ROBO2: variants seen among roughly 807,000 people sequenced by gnomAD.
The protein encoded by ROBO2 is roundabout homolog 2.
In ROBO2, 53 loss-of-function variants were observed where a neutral mutation model predicts 160.8. The ratio of observed to expected loss-of-function variants is 0.33; its 90% confidence interval spans 0.26 to 0.41. The LOEUF is 0.41. Among genes scored for constraint, ROBO2 ranks in the 10% least tolerant of loss-of-function variants. The probability of loss-of-function intolerance (pLI) is 1.00; values close to 1 mark genes in which losing one functional copy is unlikely to be tolerated. For missense variants in ROBO2, 1,577 were observed against 1,722.4 expected (o/e 0.92, Z 1.49); for synonymous variants, 664 against 611.7 (o/e 1.09, Z -1.26).
intron 13 of ROBO2, among the ~76,000 whole-genome samples, chr3:77,570,776 A>G (rs1261635794): frequency 4.6e-5 from 7 of 152,058 alleles, no homozygotes; most frequent in Non-Finnish European, 8.8e-5. Flanking sequence ...TTTGCTTTAC[A>G]GAAGTGTTGG....
chr3:77,508,497 A>G (rs2088904107), intron 5 of ROBO2, among the ~76,000 whole-genome samples: 1 of 149,574 alleles, frequency 6.7e-6, no homozygotes, highest in Non-Finnish European at 1.5e-5. Context: ...TTAAATCTCT[A>G]AATGTTTAGG....
At chr3:76,020,976 T>A (rs1001657085) in intron 2 of ROBO2, among the ~76,000 whole-genome samples, 2 of 151,844 alleles carry the variant, frequency 1.3e-5, no homozygotes, top group African/African-American at 4.8e-5. Context: ...CCCACATCCT[T>A]TACTTATGTT....
intron 2 of ROBO2, among the ~76,000 whole-genome samples, chr3:76,471,312 G>C (rs1484727934): frequency 6.6e-6 from 1 of 152,112 alleles, no homozygotes; most frequent in African/African-American, 2.4e-5. Context: ...TTTTAGAGCT[G>C]CTTCTAGTAG....
At chr3:76,992,884 C>A (rs2060771502) in intron 2 of ROBO2, among the ~76,000 whole-genome samples, 1 of 152,102 alleles carries the variant, frequency 6.6e-6, no homozygotes, top group Non-Finnish European at 1.5e-5. Context: ...GTGGCAAAAT[C>A]CTGGCTCACT....
chr3:76,869,352 T>TG (rs1200912031), intron 2 of ROBO2, among the ~76,000 whole-genome samples: 4 of 135,926 alleles, frequency 2.9e-5, no homozygotes, highest in South Asian at 2.5e-4. Context: ...GTTTTTTTTT[T>TG]TTTTTTTTTT....
At chr3:76,575,228 T>C (rs945750923) in intron 2 of ROBO2, among the ~76,000 whole-genome samples, 11 of 152,092 alleles carry the variant, frequency 7.2e-5, no homozygotes, top group African/African-American at 2.7e-4. Flanking sequence ...ATTCTTTCCA[T>C]TTCTGTACAG....
chr3:76,040,271 G>C (rs1344655369), intron 2 of ROBO2, among the ~76,000 whole-genome samples: 1 of 151,396 alleles, frequency 6.6e-6, no homozygotes, highest in Non-Finnish European at 1.5e-5. Context: ...TTTTTTGAGT[G>C]CTTCAAATTT....
chr3:76,310,113 C>T (rs1358044208), intron 2 of ROBO2, among the ~76,000 whole-genome samples: 3 of 152,056 alleles, frequency 2.0e-5, no homozygotes, highest in African/African-American at 7.2e-5. Context: ...TGAGCCACCA[C>T]GTCAGACAAT....
intron 2 of ROBO2, among the ~76,000 whole-genome samples, chr3:76,185,608 T>C (rs947520655): frequency 1.3e-5 from 2 of 152,024 alleles, no homozygotes; most frequent in African/African-American, 4.8e-5. Context: ...TCAAAGGTGC[T>C]TCTGAAAAAA....
At chr3:76,861,104 C>T (rs569450574) in intron 2 of ROBO2, among the ~76,000 whole-genome samples, 1 of 152,288 alleles carries the variant, frequency 6.6e-6, no homozygotes, top group Admixed American at 6.5e-5. Flanking sequence ...ACTGTCACCA[C>T]TTTGAAATTT....
rs143536761 is a variant in ROBO2 at position 76,683,866 on chromosome 3, T to C, written c.110-414148T>C. The stretch of plus-strand genomic sequence containing the variant: ...GTTTTATTCCCGTTTGAAATTTAAA[T>C]TGAACTTTAAAACTTCTAATTTCTA... On this transcript the variant is annotated intron_variant, in intron 2 of 26. Coordinates refer to the ROBO2 transcript ENST00000487694. 4.3e-3 allele frequency among the ~76,000 whole-genome samples: 656 copies of C among 152,212 alleles called. 6 individuals carry two copies. The highest frequency in any genetic ancestry group is 0.01 in the Middle Eastern group (3 of 294).
At chr3:77,118,966 G>C (rs2074470267) in intron 2 of ROBO2, among the ~76,000 whole-genome samples, 2 of 152,130 alleles carry the variant, frequency 1.3e-5, no homozygotes, top group Non-Finnish European at 2.9e-5. Flanking sequence ...CTCATCTTGA[G>C]TTGTCCACTT....
At chr3:76,933,614 G>T (rs369317738) in intron 2 of ROBO2, among the ~76,000 whole-genome samples, 30 of 152,268 alleles carry the variant, frequency 2.0e-4, no homozygotes, top group East Asian at 7.7e-4. Context: ...TTGTAGCTAT[G>T]ATTTCACAAT....
chr3:77,550,008 T>C (rs1027998979), intron 7 of ROBO2, among the ~76,000 whole-genome samples: 3 of 102,264 alleles, frequency 2.9e-5, no homozygotes, highest in Non-Finnish European at 6.3e-5. Context: ...TTTTTCTTAA[T>C]TGAACAACAG....
chr3:76,229,403 AGTT>A (rs1236114345), intron 2 of ROBO2, among the ~76,000 whole-genome samples: 1 of 130,278 alleles, frequency 7.7e-6, no homozygotes, highest in African/African-American at 2.5e-5. Flanking sequence ...ATTTTCTATT[AGTT>A]GTATCATCAT....
At chr3:77,302,053 T>G (rs998286456) in intron 2 of ROBO2, among the ~76,000 whole-genome samples, 1 of 151,856 alleles carries the variant, frequency 6.6e-6, no homozygotes. Flanking sequence ...CTGGTGTGCA[T>G]CACCACACCT....
chr3:77,028,869 T>C (rs915696315), intron 2 of ROBO2, among the ~76,000 whole-genome samples: 3 of 152,220 alleles, frequency 2.0e-5, no homozygotes, highest in African/African-American at 7.2e-5. Context: ...ATTGTGTGTG[T>C]GTGAATATAA....
intron 2 of ROBO2, among the ~76,000 whole-genome samples, chr3:76,256,996 G>C (rs543391603): frequency 2.6e-4 from 40 of 152,066 alleles, no homozygotes; most frequent in African/African-American, 9.4e-4. Context: ...CTACCGAGAG[G>C]ACAGCATGAA....
At chr3:77,503,516 T>A in intron 5 of ROBO2, among the ~76,000 whole-genome samples, 1 of 146,920 alleles carries the variant, frequency 6.8e-6, no homozygotes, top group South Asian at 2.2e-4. Context: ...AGAGAGAGAG[T>A]CCGTCTCTAA....
Sources: allele counts gnomAD v4.1 joint callset (sites outside exome capture counted in the v4.1 genomes callset), GRCh38; gene constraint gnomAD v4.1.1; transcripts MANE v1.5; gene names NCBI Gene and HGNC (gene_info 2026-07-23, HGNC 2026-07-21).